The following RUNDC3B variants were observed in gnomAD, a reference collection of about 807,000 sequenced individuals.
RUNDC3B encodes the protein RUN domain containing 3B, also known as RUN domain-containing protein 3B.
In RUNDC3B, 33 loss-of-function variants were observed where a neutral mutation model predicts 58.4. The observed-to-expected ratio is 0.56, with a 90% CI of 0.43 to 0.75. RUNDC3B has a LOEUF of 0.75. Ranked by LOEUF, RUNDC3B falls within the 30% of genes least tolerant of loss-of-function variation. The pLI, the probability that RUNDC3B is intolerant of heterozygous loss-of-function variation, is 0.00. For synonymous variants in RUNDC3B, 193 were observed against 195.2 expected (o/e 0.99, Z 0.10); for missense variants, 501 against 535.7 (o/e 0.94, Z 0.64).
chr7:87,697,772 C>T (rs141368882), intron 2 of RUNDC3B, among the ~76,000 whole-genome samples: 120 of 152,196 alleles, frequency 7.9e-4, no homozygotes, highest in African/African-American at 2.7e-3. Context: ...TAGGTACTAT[C>T]GTTATTTTCA....
chr7:87,750,755 G>C (rs905576165), intron 6 of RUNDC3B, among the ~76,000 whole-genome samples: 1 of 150,834 alleles, frequency 6.6e-6, no homozygotes, highest in African/African-American at 2.4e-5. Flanking sequence ...ATTTGTTGGA[G>C]TTCATTGTAG....
At chr7:87,721,411 C>G (rs913538816) in intron 4 of RUNDC3B, among the ~76,000 whole-genome samples, 2 of 151,798 alleles carry the variant, frequency 1.3e-5, no homozygotes, top group African/African-American at 4.8e-5. Context: ...AAATATTTCA[C>G]GTATGAGAGA....
intron 8 of RUNDC3B, among the ~76,000 whole-genome samples, chr7:87,788,513 GT>G (rs1404925765): frequency 6.6e-6 from 1 of 151,968 alleles, no homozygotes; most frequent in Admixed American, 6.6e-5. Context: ...GGTTCTTATG[GT>G]TTTATGGAAA....
intron 8 of RUNDC3B, among the ~76,000 whole-genome samples, chr7:87,798,326 A>G (rs773504770): frequency 1.3e-5 from 2 of 152,270 alleles, no homozygotes; most frequent in South Asian, 2.1e-4. Context: ...TTGAATTGTC[A>G]TCTTCTGATC....
At chr7:87,732,577 T>C (rs1481625857) in intron 4 of RUNDC3B, among the ~76,000 whole-genome samples, 1 of 152,126 alleles carries the variant, frequency 6.6e-6, no homozygotes, top group Non-Finnish European at 1.5e-5. Context: ...GGGCTCTCTG[T>C]TGTTAGGCAG....
chr7:87,750,859 G>C (rs1335254350), intron 6 of RUNDC3B, among the ~76,000 whole-genome samples: 2 of 151,074 alleles, frequency 1.3e-5, no homozygotes, highest in Non-Finnish European at 3.0e-5. Flanking sequence ...AGTTTCTTTT[G>C]CTGTGCAGAA....
chr7:87,744,111 C>G (rs149736175), intron 6 of RUNDC3B, among the ~76,000 whole-genome samples: 1 of 152,236 alleles, frequency 6.6e-6, no homozygotes, highest in African/African-American at 2.4e-5. Context: ...TGTCGTAGAT[C>G]AGTTGGCTGT....
Position 87,700,541 on chromosome 7 carries a change from C to T in RUNDC3B, c.359C>T (p.Ser120Phe). ...ATTGAAAATATGGAAAATGTCAGTT[C>T]TTCTAGAGCTAAGGTAAGACATTGG... ...CSIENMENVS[S>F]SRAKGRAWIR... Residue 120 changes from serine to phenylalanine, a missense_variant, in exon 3 of 11, where the codon TCT (serine) becomes TTT (phenylalanine). Physicochemically the swap from Ser to Phe is radical, Grantham distance 155. Transcript: ENST00000394654. 1.2e-6 allele frequency: 2 copies of T among 1,611,312 alleles called. No individual in the cohort carries two copies. The highest frequency in any genetic ancestry group is 1.7e-6 in the Non-Finnish European group (2 of 1,179,214).
intron 2 of RUNDC3B, among the ~76,000 whole-genome samples, chr7:87,673,407 T>C (rs187933433): frequency 1.3e-5 from 2 of 152,338 alleles, no homozygotes; most frequent in East Asian, 3.9e-4. Context: ...TCAGAGGTTT[T>C]GTTTATTCCT....
rs183319484 is a variant in RUNDC3B at position 87,733,392 on chromosome 7, T to C, written c.459-6399T>C. Among the ~76,000 whole-genome samples the C allele has an allele frequency of 1.3e-4, 20 of 152,332 alleles. No individual in the cohort carries two copies. In the East Asian group the frequency reaches 3.1e-3, roughly 24 times the overall value. On this transcript the variant is annotated intron_variant, in intron 4 of 10. Coordinates refer to ENST00000394654, the MANE Select transcript of RUNDC3B (RefSeq NM_001134405.2). ...TAGGAGCATTTCATCTTTTATTCTGTAGCAATAGTTTCAAGGGGTCTCCCT... is the reference window on the plus strand; with the variant it reads ...TAGGAGCATTTCATCTTTTATTCTGCAGCAATAGTTTCAAGGGGTCTCCCT...
intron 2 of RUNDC3B, among the ~76,000 whole-genome samples, chr7:87,675,091 G>A (rs899639211): frequency 6.6e-6 from 1 of 152,198 alleles, no homozygotes; most frequent in Admixed American, 6.5e-5. Context: ...TGGTGAGAGC[G>A]GGCCGCTCCT....
chr7:87,762,810 A>G (rs193198261), intron 6 of RUNDC3B, among the ~76,000 whole-genome samples: 20 of 151,106 alleles, frequency 1.3e-4, no homozygotes, highest in Admixed American at 1.2e-3. Flanking sequence ...TATGAAATAC[A>G]TTGTTTTCAA....
chr7:87,796,215 A>T (rs1835811669), intron 8 of RUNDC3B, among the ~76,000 whole-genome samples: 1 of 152,208 alleles, frequency 6.6e-6, no homozygotes. Flanking sequence ...GAGAAAGAAA[A>T]ATATTCCATG....
chr7:87,659,361 TG>T (rs1389350579), intron 2 of RUNDC3B: 5 of 286,114 alleles, frequency 1.7e-5, no homozygotes, highest in African/African-American at 1.1e-4. Context: ...TTATTTATAT[TG>T]TTTTTTAGTG....
intron 10 of RUNDC3B, among the ~76,000 whole-genome samples, chr7:87,818,107 T>A (rs1241668480): frequency 1.3e-5 from 2 of 152,164 alleles, no homozygotes; most frequent in Non-Finnish European, 2.9e-5. Flanking sequence ...ATGAGTATAT[T>A]TTAAAAGCTA....
At chr7:87,653,223 A>C (rs1823755586) in intron 2 of RUNDC3B, among the ~76,000 whole-genome samples, 1 of 152,046 alleles carries the variant, frequency 6.6e-6, no homozygotes, top group South Asian at 2.1e-4. Context: ...TCCTTCAGTA[A>C]TTTTTGAACT....
chr7:87,651,906 G>C (rs969617418), intron 2 of RUNDC3B, among the ~76,000 whole-genome samples: 7 of 151,946 alleles, frequency 4.6e-5, no homozygotes, highest in African/African-American at 1.7e-4. Flanking sequence ...AATTGCTAAT[G>C]CTTTTTTCTG....
At chr7:87,655,728 A>G (rs1401470145) in intron 2 of RUNDC3B, among the ~76,000 whole-genome samples, 1 of 152,178 alleles carries the variant, frequency 6.6e-6, no homozygotes, top group Non-Finnish European at 1.5e-5. Flanking sequence ...CCAAAAAATG[A>G]TAAGTATGTG....
chr7:87,650,117 C>A (rs1302137046), intron 1 of RUNDC3B, among the ~76,000 whole-genome samples: 1 of 152,158 alleles, frequency 6.6e-6, no homozygotes, highest in Admixed American at 6.6e-5. Context: ...CAGAAACTCT[C>A]AAAAGCATTT....
Sources: allele counts gnomAD v4.1 joint callset (sites outside exome capture counted in the v4.1 genomes callset), GRCh38; gene constraint gnomAD v4.1.1; transcripts MANE v1.5; gene names NCBI Gene and HGNC (gene_info 2026-07-23, HGNC 2026-07-21).